ZNF564: variants seen among roughly 807,000 people sequenced by gnomAD.
ZNF564 encodes zinc finger protein 564.
A neutral mutation model predicts 10.5 loss-of-function variants in ZNF564; 5 were observed. That is an observed-to-expected ratio of 0.48 (90% CI 0.25 to 1.00). The LOEUF (loss-of-function observed/expected upper bound fraction) is 1.00, where lower values mean the gene tolerates loss of function less well. Ranked by LOEUF, ZNF564 falls within the 50% of genes least tolerant of loss-of-function variation. ZNF564 has a pLI of 0.16. For synonymous variants in ZNF564, 242 were observed against 218.1 expected (o/e 1.11, Z -0.97); for missense variants, 603 against 669.7 (o/e 0.90, Z 1.10).
intron 1 of ZNF564, among the ~76,000 whole-genome samples, chr19:12,542,835 C>T (rs905282496): frequency 6.6e-6 from 1 of 151,566 alleles, no homozygotes; most frequent in Admixed American, 6.6e-5. Context: ...GAAACTCTGT[C>T]ACTACTAAAA....
chr19:12,543,110 G>A (rs1341131599), intron 1 of ZNF564, among the ~76,000 whole-genome samples: 1 of 151,820 alleles, frequency 6.6e-6, no homozygotes, highest in African/African-American at 2.4e-5. Context: ...AGACCAGCCT[G>A]GCCAAAACAG....
Position 12,551,388 on chromosome 19 carries a change from A to T in ZNF564, c.-56T>A, listed in dbSNP as rs1387472063. The T allele has an allele frequency of 1.5e-5, 23 of 1,533,284 alleles. No individual in the cohort carries two copies. Among genetic ancestry groups the T allele is most frequent in the Non-Finnish European group, 1.8e-5 (20 of 1,137,178 alleles). 95.0% of individuals were successfully genotyped at this position (1,533,284 alleles called of 1,614,324 possible). ...GCCTACGGCTCTCTCCGGCCTGTGC[A>T]GGTCCCAGCGCGCCAGACGCTGCGG... is the stretch of plus-strand genomic sequence containing the variant. On this transcript the variant is annotated 5_prime_UTR_variant, in exon 1 of 4. Transcript: ENST00000339282.
chr19:12,548,629 C>G, intron 1 of ZNF564: 1 of 556,484 alleles, frequency 1.8e-6, no homozygotes, highest in Non-Finnish European at 3.2e-6. Context: ...CGTCAGCCAT[C>G]GCGGCTGGCA....
chr19:12,537,513 C>T (rs1042772655), intron 1 of ZNF564, among the ~76,000 whole-genome samples: 4 of 151,894 alleles, frequency 2.6e-5, no homozygotes, highest in South Asian at 4.2e-4. Flanking sequence ...TCGAGGGGGG[C>T]GGATCACCTG....
At chr19:12,533,433 G>C (rs947559333) in intron 1 of ZNF564, among the ~76,000 whole-genome samples, 1 of 152,170 alleles carries the variant, frequency 6.6e-6, no homozygotes, top group East Asian at 1.9e-4. Context: ...AATCATCTAA[G>C]AGTCTACTTC....
chr19:12,528,879 C>T lies in ZNF564; in HGVS notation c.4-183G>A, dbSNP rs1287109849. 2.0e-5 allele frequency among the ~76,000 whole-genome samples: 3 copies of T among 152,204 alleles called. No homozygotes were observed. The East Asian group carries it at 5.8e-4, about 29-fold the overall frequency. On this transcript the variant is annotated intron_variant, in intron 1 of 3. Transcript: ENST00000339282. ...AGGAACTTGAGGCCAGCCCGGTCAA[C>T]ATGGTGAAACCCCATCTCTACTACA...
intron 1 of ZNF564, among the ~76,000 whole-genome samples, chr19:12,545,756 C>T (rs1417546214): frequency 6.6e-6 from 1 of 152,154 alleles, no homozygotes; most frequent in East Asian, 1.9e-4. Flanking sequence ...GGCAACGCTC[C>T]TCATCTTGGG....
At position 12,527,818 on chromosome 19, in the gene ZNF564, G is replaced by C. The variant is rs554346118; in HGVS notation, c.290C>G (p.Pro97Arg). The C allele has an allele frequency of 6.0e-5, 97 of 1,613,990 alleles. No individual in the cohort carries two copies. Among genetic ancestry groups the C allele is most frequent in the Non-Finnish European group, 7.8e-5 (92 of 1,180,018 alleles). Residue 97 changes from proline (P) to arginine (R), a missense_variant, in exon 4 of 4, where the codon CCT (proline) becomes CGT (arginine). Coordinates refer to ENST00000339282, the MANE Select transcript of ZNF564 (RefSeq NM_144976.4). The part of the protein sequence containing the change: ...ILNLNLNKKI[P>R]TIVRPCECSL... The stretch of plus-strand genomic sequence containing the variant: ...ACATTCACATGGTCTTACTATAGTA[G>C]GAATTTTCTTGTTCAGATTAAGATT...
intron 1 of ZNF564, among the ~76,000 whole-genome samples, chr19:12,539,313 C>A (rs1345979276): frequency 6.7e-6 from 1 of 149,718 alleles, no homozygotes; most frequent in African/African-American, 2.5e-5. Flanking sequence ...TTTCTGTAAA[C>A]TATGAATTAA....
chr19:12,530,861 G>A (rs1360761988), intron 1 of ZNF564, among the ~76,000 whole-genome samples: 1 of 152,042 alleles, frequency 6.6e-6, no homozygotes, highest in Non-Finnish European at 1.5e-5. Flanking sequence ...TGATCTCCTG[G>A]GCTCATGTGA....
intron 1 of ZNF564, among the ~76,000 whole-genome samples, chr19:12,529,109 G>C (rs900506013): frequency 6.6e-6 from 1 of 152,098 alleles, no homozygotes; most frequent in Non-Finnish European, 1.5e-5. Flanking sequence ...ACAAAACGAT[G>C]TGGCAGTCTC....
At chr19:12,546,572 A>G (rs575861271) in intron 1 of ZNF564, among the ~76,000 whole-genome samples, 10 of 149,520 alleles carry the variant, frequency 6.7e-5, no homozygotes, top group African/African-American at 2.2e-4. Flanking sequence ...CTAAAAATAC[A>G]AAAAAAAAAT....
intron 1 of ZNF564, among the ~76,000 whole-genome samples, chr19:12,540,655 C>A (rs1053600675): frequency 6.6e-6 from 1 of 152,128 alleles, no homozygotes; most frequent in Admixed American, 6.5e-5. Flanking sequence ...GAGATCGCCA[C>A]CATCCTGGCT....
chr19:12,549,332 C>A (rs934316058), intron 1 of ZNF564, among the ~76,000 whole-genome samples: 4 of 152,172 alleles, frequency 2.6e-5, no homozygotes, highest in African/African-American at 9.7e-5. Context: ...AGACATTTAT[C>A]TGATTCCAAT....
In ZNF564 at chr19:12,526,935, T is replaced by C. The variant is rs2145062768; in HGVS notation, c.1173A>G (p.Gly391=). 1 of 1,614,144 alleles carries C rather than the reference T, an allele frequency of 6.2e-7. No individual in the cohort carries two copies. Among genetic ancestry groups the C allele is most frequent in the East Asian group, 2.2e-5 (1 of 44,868 alleles). ...RRHMIKHTGD[G]PYKCQVCGRA... ...TACCACATACCTGACATTTATAAGGTCCATCTCCAGTGTGCTTTATCATGT... is the reference window on the plus strand; with the variant it reads ...TACCACATACCTGACATTTATAAGGCCCATCTCCAGTGTGCTTTATCATGT... The change falls in exon 4 of 4, where the codon GGA becomes GGG. Residue 391 remains glycine, a synonymous_variant. Transcript: ENST00000339282.
At chr19:12,530,955 T>TG (rs2021788139) in intron 1 of ZNF564, among the ~76,000 whole-genome samples, 1 of 152,006 alleles carries the variant, frequency 6.6e-6, no homozygotes, top group Non-Finnish European at 1.5e-5. Context: ...TTTGTAGAGA[T>TG]GGGGTCTTAC....
intron 1 of ZNF564, among the ~76,000 whole-genome samples, chr19:12,549,373 ATC>A (rs764749327): frequency 7.9e-5 from 12 of 152,258 alleles, no homozygotes; most frequent in Middle Eastern, 3.4e-3. Context: ...CCCCTAGGAC[ATC>A]TCCCAGCCCC....
In ZNF564 at chr19:12,551,365, C is replaced by A; in HGVS notation, c.-33G>T. On this transcript the variant is annotated 5_prime_UTR_variant, in exon 1 of 4. It adds an upstream start codon to the 5' untranslated region. Transcript: ENST00000339282. ...CTTCCAGGGTGTCCCGGGGTCCTGC[C>A]TACGGCTCTCTCCGGCCTGTGCAGG... 6.3e-7 allele frequency: 1 copy of A among 1,595,054 alleles called. No individual in the cohort carries two copies. The highest frequency in any genetic ancestry group is 8.5e-7 in the Non-Finnish European group (1 of 1,171,414).
Position 12,527,563 on chromosome 19 carries a change from G to A in ZNF564, c.545C>T (p.Pro182Leu). ...CTTAATCATGTGTCTTCGAACACTT[G>A]GGAGAGAAATGAAGGCTTTCCCACA... Reference protein sequence around the residue: ...PECGKAFISLPSVRRHMIKHT... With the variant: ...PECGKAFISLLSVRRHMIKHT... The change falls in exon 4 of 4, where the codon CCA becomes CTA. Residue 182 changes from proline to leucine, a missense_variant. Coordinates refer to ENST00000339282, the MANE Select transcript of ZNF564 (RefSeq NM_144976.4). The A allele has an allele frequency of 6.2e-7, 1 of 1,614,062 alleles. No individual in the cohort carries two copies. Among genetic ancestry groups the A allele is most frequent in the Non-Finnish European group, 8.5e-7 (1 of 1,179,990 alleles).
Sources: gnomAD v4.1 joint callset for allele counts (sites outside exome capture counted in the v4.1 genomes callset) on GRCh38, gnomAD v4.1.1 for gene constraint, MANE v1.5 for transcripts, NCBI Gene and HGNC (gene_info 2026-07-23, HGNC 2026-07-21) for gene names.